Variants in TERF1 observed in about 807,000 individuals in gnomAD.
The protein encoded by TERF1 is telomeric repeat-binding factor 1.
Under a neutral mutation model 55.1 loss-of-function variants are expected in TERF1, and 20 were observed. The ratio of observed to expected loss-of-function variants is 0.36; its 90% CI spans 0.26 to 0.53. The LOEUF is 0.53. TERF1 is among the 20% of genes least tolerant of loss of function. The pLI is 0.91. For synonymous variants in TERF1, 168 were observed against 181.2 expected (o/e 0.93, Z 0.59); for missense variants, 439 against 535.7 (o/e 0.82, Z 1.78).
At chr8:73,014,772 T>A (rs187918060) in intron 2 of TERF1, among the ~76,000 whole-genome samples, 110 of 152,350 alleles carry the variant, frequency 7.2e-4, no homozygotes, top group African/African-American at 2.6e-3. Flanking sequence ...AGCACCACTG[T>A]CAAGGCCTTC....
At chr8:73,031,076 T>C (rs1029854474) in intron 7 of TERF1, 2 of 152,242 alleles carry the variant, frequency 1.3e-5, no homozygotes, top group Non-Finnish European at 2.9e-5. Flanking sequence ...TGAAGAATGA[T>C]TGAAGGTGAT....
At chr8:73,033,960 T>G (rs367723951) in intron 8 of TERF1, among the ~76,000 whole-genome samples, 21 of 152,300 alleles carry the variant, frequency 1.4e-4, no homozygotes, top group Admixed American at 5.9e-4. Flanking sequence ...TTTTTCTGTT[T>G]TTGGAGACAG....
At chr8:73,026,184 G>C (rs1808986181) in intron 5 of TERF1, among the ~76,000 whole-genome samples, 1 of 149,308 alleles carries the variant, frequency 6.7e-6, no homozygotes, top group Admixed American at 6.7e-5. Context: ...GGGTGACAAA[G>C]TGAGACTTGT....
chr8:73,015,125 A>T (rs1397404590), intron 2 of TERF1, among the ~76,000 whole-genome samples: 1 of 152,140 alleles, frequency 6.6e-6, no homozygotes, highest in East Asian at 1.9e-4. Context: ...GCAGGGGGGA[A>T]TCCAGATTTT....
In TERF1 at chr8:73,037,861, TATG is replaced by T. The variant is rs1254536751; in HGVS notation, c.1040-1252_1040-1250del. ...ATATATATAATATATAATATATAAA[TATG>T]ATATATAATATATATAAATATGATA... is the stretch of plus-strand genomic sequence containing the variant. On this transcript the variant is annotated intron_variant, in intron 8 of 9. Coordinates refer to ENST00000276603, the MANE Select transcript of TERF1 (RefSeq NM_017489.3). Among the ~76,000 whole-genome samples, 221 of 110,082 alleles carry T rather than the reference TATG, an allele frequency of 2.0e-3. 2 individuals are homozygous for T. Among genetic ancestry groups the T allele is most frequent in the African/African-American group, 5.9e-3 (154 of 26,258 alleles). 72.2% of individuals were successfully genotyped at this position (110,082 alleles called of 152,430 possible). A position where few individuals can be genotyped will look rare whatever the true frequency, so the allele number is the denominator to read the frequency against.
chr8:73,044,000 T>G (rs1429269605), intron 9 of TERF1, among the ~76,000 whole-genome samples: 7 of 152,234 alleles, frequency 4.6e-5, no homozygotes, highest in African/African-American at 1.7e-4. Context: ...ACTATACTTT[T>G]CTGTGGAGTA....
At position 73,021,311 on chromosome 8, in the gene TERF1, TC is replaced by T. The variant is rs1266323775; in HGVS notation, c.537+510del. ...TTGGATAAAAGAAAATCCAAGTCAT[TC>T]CCCACCTTCCCAAGAATTAGTGTGG... On this transcript the variant is annotated intron_variant, in intron 3 of 9. Coordinates refer to ENST00000276603, the MANE Select transcript of TERF1 (RefSeq NM_017489.3). Among the ~76,000 whole-genome samples, 4 of 151,798 alleles carry T rather than the reference TC, an allele frequency of 2.6e-5. 1 individual carries two copies. Among genetic ancestry groups the T allele is most frequent in the Non-Finnish European group, 5.9e-5 (4 of 67,928 alleles).
intron 8 of TERF1, among the ~76,000 whole-genome samples, chr8:73,035,540 A>C (rs1045123321): frequency 6.6e-6 from 1 of 152,026 alleles, no homozygotes; most frequent in Admixed American, 6.6e-5. Flanking sequence ...TTAAAATGTC[A>C]ATTAGGTCAA....
intron 8 of TERF1, among the ~76,000 whole-genome samples, chr8:73,033,225 A>G (rs1312649957): frequency 1.3e-5 from 2 of 152,130 alleles, no homozygotes; most frequent in South Asian, 2.1e-4. Flanking sequence ...ATATTTGTAA[A>G]TAGAGTTCTA....
intron 8 of TERF1, among the ~76,000 whole-genome samples, chr8:73,033,879 G>T (rs1316269778): frequency 1.3e-5 from 2 of 152,106 alleles, no homozygotes; most frequent in Non-Finnish European, 2.9e-5. Flanking sequence ...GTACTTCAGT[G>T]GTACCCAGGT....
chr8:73,029,642 A>G (rs1202800803), intron 6 of TERF1, among the ~76,000 whole-genome samples: 2 of 152,096 alleles, frequency 1.3e-5, no homozygotes, highest in Non-Finnish European at 2.9e-5. Flanking sequence ...TATACAACCT[A>G]CACACATCCT....
At position 73,039,165 on chromosome 8, in the gene TERF1, T is replaced by C; in HGVS notation, c.1089T>C (p.Pro363=). Reference sequence around the variant, plus strand: ...GAAGAGCCACTGAAAGCAGAATACCTGTTTCAAAGAGTCAGCCGGTAACTC... The same window carrying C: ...GAAGAGCCACTGAAAGCAGAATACCCGTTTCAAAGAGTCAGCCGGTAACTC... ...ESRRATESRI[P]VSKSQPVTPE... Residue 363 remains proline (P), a synonymous_variant, in exon 9 of 10, where the codon CCT becomes CCC. Transcript: ENST00000276603. 6 of 1,606,084 alleles carry C rather than the reference T, an allele frequency of 3.7e-6. No homozygotes were observed. The highest frequency in any genetic ancestry group is 5.1e-6 in the Non-Finnish European group (6 of 1,176,760).
intron 8 of TERF1, among the ~76,000 whole-genome samples, chr8:73,035,618 G>A (rs542829241): frequency 6.6e-6 from 1 of 152,218 alleles, no homozygotes; most frequent in South Asian, 2.1e-4. Context: ...GTATCAATTA[G>A]AAAAGTGATA....
intron 2 of TERF1, 98 bp downstream of exon 2, chr8:73,014,088 C>T (rs1164346315): frequency 8.2e-6 from 8 of 975,324 alleles, no homozygotes; most frequent in Non-Finnish European, 1.1e-5. Context: ...AGTTTGCCTA[C>T]AAGTGTCTGG....
intron 9 of TERF1, among the ~76,000 whole-genome samples, chr8:73,043,625 G>A (rs1188033822): frequency 6.6e-6 from 1 of 152,066 alleles, no homozygotes; most frequent in Non-Finnish European, 1.5e-5. Flanking sequence ...GCTGGGTTTT[G>A]GCAGTGGCTT....
At chr8:73,015,389 A>C (rs891128495) in intron 2 of TERF1, among the ~76,000 whole-genome samples, 1 of 151,744 alleles carries the variant, frequency 6.6e-6, no homozygotes, top group Non-Finnish European at 1.5e-5. Context: ...GTCTAATTTA[A>C]AATTTTCTAA....
At chr8:73,010,384 T>G (rs1808234733) in intron 1 of TERF1, 2 of 152,236 alleles carry the variant, frequency 1.3e-5, no homozygotes, top group Non-Finnish European at 2.9e-5. Flanking sequence ...GGAATGAAGC[T>G]AGTTCCTCAG....
intron 6 of TERF1, among the ~76,000 whole-genome samples, chr8:73,027,510 G>C (rs1809064907): frequency 6.6e-6 from 1 of 152,178 alleles, no homozygotes; most frequent in Non-Finnish European, 1.5e-5. Flanking sequence ...AGGAAAACAA[G>C]TTGTGTCAGT....
At chr8:73,045,421 A>T (rs1176314237) in intron 9 of TERF1, among the ~76,000 whole-genome samples, 2 of 152,224 alleles carry the variant, frequency 1.3e-5, no homozygotes, top group East Asian at 3.8e-4. Context: ...TTTGATTTTT[A>T]AAAATGTTTA....
Sources: gnomAD v4.1 joint callset for allele counts (sites outside exome capture counted in the v4.1 genomes callset) on GRCh38, gnomAD v4.1.1 for gene constraint, MANE v1.5 for transcripts, NCBI Gene and HGNC (gene_info 2026-07-23, HGNC 2026-07-21) for gene names.